Variants in RAB38 observed in about 807,000 individuals in gnomAD.
RAB38 encodes ras-related protein Rab-38.
In RAB38, 15 loss-of-function variants were observed where a neutral mutation model predicts 18.4. The observed-to-expected ratio is 0.82, with a 90% CI of 0.55 to 1.26. RAB38 has a LOEUF of 1.26. Ranked by LOEUF, RAB38 falls within the 50% of genes most tolerant of loss-of-function variation. The pLI is 0.00. For synonymous variants in RAB38, 101 were observed against 104.4 expected (o/e 0.97, Z 0.20); for missense variants, 294 against 267.4 (o/e 1.10, Z -0.69).
the RAB38 span, among the ~76,000 whole-genome samples, chr11:87,825,012 ATG>A: frequency 4.6e-5 from 7 of 151,068 alleles, no homozygotes; most frequent in South Asian, 4.2e-4. Flanking sequence ...GTGTGTGTGT[ATG>A]TGTGTGTGTG....
chr11:88,143,262 T>C (rs961653731), intron 2 of RAB38, among the ~76,000 whole-genome samples: 1 of 152,242 alleles, frequency 6.6e-6, no homozygotes. Flanking sequence ...CTAAAATGTA[T>C]GTAAAGCCAC....
chr11:88,013,428 T>C, the RAB38 span, among the ~76,000 whole-genome samples: 1 of 152,194 alleles, frequency 6.6e-6, no homozygotes, highest in Non-Finnish European at 1.5e-5. Context: ...GACTTCATGA[T>C]TGCTTTTTTG....
intron 1 of RAB38, among the ~76,000 whole-genome samples, chr11:88,174,462 T>C (rs1943351355): frequency 6.6e-6 from 1 of 152,084 alleles, no homozygotes; most frequent in African/African-American, 2.4e-5. Flanking sequence ...AAGGCTATCA[T>C]AGGCCCTTAC....
the RAB38 span, among the ~76,000 whole-genome samples, chr11:87,821,711 C>T: frequency 6.6e-6 from 1 of 151,792 alleles, no homozygotes; most frequent in South Asian, 2.1e-4. Flanking sequence ...ATTATCTGGG[C>T]ATGGTGGTGG....
chr11:88,090,794 A>T, the RAB38 span, among the ~76,000 whole-genome samples: 1 of 151,906 alleles, frequency 6.6e-6, no homozygotes, highest in African/African-American at 2.4e-5. Context: ...CTATCAGCCA[A>T]GGAGGATCCC....
chr11:87,876,220 C>T, the RAB38 span, among the ~76,000 whole-genome samples: 1 of 151,560 alleles, frequency 6.6e-6, no homozygotes, highest in South Asian at 2.1e-4. Context: ...TAGCTGATGC[C>T]CTTCTGATCA....
chr11:88,170,325 G>A (rs966052720), intron 1 of RAB38, among the ~76,000 whole-genome samples: 1 of 152,172 alleles, frequency 6.6e-6, no homozygotes, highest in Admixed American at 6.6e-5. Flanking sequence ...ATTTTGGGGG[G>A]TTTTATTTGA....
the RAB38 span, among the ~76,000 whole-genome samples, chr11:88,038,983 CTTTTA>C: frequency 6.6e-6 from 1 of 152,000 alleles, no homozygotes; most frequent in Non-Finnish European, 1.5e-5. Flanking sequence ...CCTGGCTTTC[CTTTTA>C]TAAGTAGAGT....
chr11:88,047,618 G>A, the RAB38 span, among the ~76,000 whole-genome samples: 29 of 152,116 alleles, frequency 1.9e-4, no homozygotes, highest in Non-Finnish European at 3.7e-4. Flanking sequence ...CTACAGAAGG[G>A]TCCTCTATCA....
chr11:88,172,146 G>C (rs35524704), intron 1 of RAB38, among the ~76,000 whole-genome samples: 1,901 of 152,338 alleles, frequency 0.012, 21 homozygotes, highest in Non-Finnish European at 0.02. Flanking sequence ...GTCAAATCTG[G>C]CTCTTCCTCT....
chr11:88,044,550 G>A, the RAB38 span, among the ~76,000 whole-genome samples: 2 of 152,178 alleles, frequency 1.3e-5, no homozygotes, highest in South Asian at 4.2e-4. Flanking sequence ...AAACTCGACA[G>A]TGGTTCCAAA....
At chr11:88,006,195 C>T in the RAB38 span, among the ~76,000 whole-genome samples, 1 of 151,384 alleles carries the variant, frequency 6.6e-6, no homozygotes, top group African/African-American at 2.4e-5. Context: ...CTTTATTAAT[C>T]TCCAGGGAAA....
the RAB38 span, among the ~76,000 whole-genome samples, chr11:88,042,269 C>T: frequency 2.6e-5 from 4 of 152,178 alleles, no homozygotes; most frequent in African/African-American, 9.7e-5. Flanking sequence ...GCCCCCACCT[C>T]TCATTTGCTA....
the RAB38 span, among the ~76,000 whole-genome samples, chr11:88,096,379 T>C: frequency 1.3e-5 from 2 of 151,906 alleles, no homozygotes; most frequent in African/African-American, 2.4e-5. Context: ...CTCTGCTCAA[T>C]TGTCATCTCC....
chr11:88,124,431 AAAAC>A (rs765688462), intron 2 of RAB38, among the ~76,000 whole-genome samples: 1 of 152,208 alleles, frequency 6.6e-6, no homozygotes, highest in East Asian at 1.9e-4. Flanking sequence ...TTACAAGAAA[AAAAC>A]AAACAACCCC....
the RAB38 span, among the ~76,000 whole-genome samples, chr11:87,823,712 A>G: frequency 6.6e-6 from 1 of 152,302 alleles, no homozygotes; most frequent in East Asian, 1.9e-4. Flanking sequence ...AATTTTATTC[A>G]TAGTAGCCAA....
chr11:88,027,147 T>C, the RAB38 span, among the ~76,000 whole-genome samples: 1 of 152,172 alleles, frequency 6.6e-6, no homozygotes, highest in Non-Finnish European at 1.5e-5. Flanking sequence ...TCCTTTCTAT[T>C]TCTAGTTTTC....
At chr11:87,953,012 T>G in the RAB38 span, among the ~76,000 whole-genome samples, 1 of 152,162 alleles carries the variant, frequency 6.6e-6, no homozygotes, top group African/African-American at 2.4e-5. Context: ...AATTAAAATT[T>G]TAATAACTTT....
chr11:88,172,541 C>T (rs1197722131), intron 1 of RAB38, among the ~76,000 whole-genome samples: 1 of 152,136 alleles, frequency 6.6e-6, no homozygotes, highest in Non-Finnish European at 1.5e-5. Context: ...CATTGAACAC[C>T]CACAACCTTC....
Sources: allele counts gnomAD v4.1 joint callset (sites outside exome capture counted in the v4.1 genomes callset), GRCh38; gene constraint gnomAD v4.1.1; transcripts MANE v1.5; gene names NCBI Gene and HGNC (gene_info 2026-07-23, HGNC 2026-07-21).